Variants in RUNDC3A observed in about 807,000 individuals in gnomAD.
RUNDC3A encodes RUN domain containing 3A.
Under a neutral mutation model 53.9 loss-of-function variants are expected in RUNDC3A, and 28 were observed. The ratio of observed to expected loss-of-function variants is 0.52; its 90% CI spans 0.38 to 0.71. RUNDC3A has a LOEUF of 0.71. Among genes scored for constraint, RUNDC3A ranks in the 30% least tolerant of loss-of-function variants. The pLI is 0.00. For missense variants in RUNDC3A, 491 were observed against 597.3 expected, an observed-to-expected ratio of 0.82 and a Z score of 1.85; for synonymous variants, 232 against 249.4, an observed-to-expected ratio of 0.93 and a Z score of 0.66.
In RUNDC3A at chr17:44,308,944, G is replaced by T; in HGVS notation, c.107+5G>T. The T allele has an allele frequency of 6.3e-7, 1 of 1,591,598 alleles. No homozygotes were observed. Among genetic ancestry groups the T allele is most frequent in the Non-Finnish European group, 8.6e-7 (1 of 1,164,896 alleles). On this transcript the variant is annotated splice_donor_5th_base_variant and intron_variant, in intron 1 of 10. Transcript: ENST00000426726. ...GAACCTGATCACCGTGTGCAGGTGG[G>T]CACCGCTAGTGGGCGGGGGCTGGGG...
intron 10 of RUNDC3A, 195 bp from the exon 11 acceptor site, chr17:44,317,901 C>T: frequency 1.7e-6 from 1 of 603,224 alleles, no homozygotes; most frequent in Non-Finnish European, 3.0e-6. Context: ...CTGACGATTA[C>T]AATACAGTGT....
intron 8 of RUNDC3A, 81 bp from the exon 9 acceptor site, chr17:44,316,304 C>T (rs2047860506): frequency 2.2e-6 from 3 of 1,363,176 alleles, no homozygotes; most frequent in South Asian, 1.3e-5. Flanking sequence ...CATTCCTGAC[C>T]CCTCCCTCAT....
chr17:44,308,882 A>C lies in RUNDC3A; in HGVS notation c.50A>C (p.Lys17Thr), dbSNP rs762826390. The C allele has an allele frequency of 4.3e-6, 7 of 1,611,902 alleles. No homozygotes were observed. In the African/African-American group the frequency reaches 9.4e-5, roughly 22 times the overall value. The change falls in exon 1 of 11, where the codon AAG becomes ACG. Residue 17 changes from lysine to threonine, a missense_variant. Transcript: ENST00000426726. ...QTTMALGLSS[K>T]KASSRNVAVE... ...ACCATGGCTCTGGGGCTGTCCTCCA[A>C]GAAAGCGTCCTCTCGCAACGTGGCT...
At position 44,308,871 on chromosome 17, in the gene RUNDC3A, G is replaced by A. The variant is rs752375225; in HGVS notation, c.39G>A (p.Gly13=). The A allele has an allele frequency of 6.2e-7, 1 of 1,612,396 alleles. No individual in the cohort carries two copies. Residue 13 remains glycine, a synonymous_variant, in exon 1 of 11, where the codon GGG becomes GGA. Transcript: ENST00000426726. ...TTGTCCAGACCACCATGGCTCTGGG[G>A]CTGTCCTCCAAGAAAGCGTCCTCTC... is the stretch of plus-strand genomic sequence containing the variant. ...ASFVQTTMAL[G]LSSKKASSRN... is the part of the protein sequence containing the mutation.
Position 44,313,201 on chromosome 17 carries a change from C to A in RUNDC3A, c.321C>A (p.Asn107Lys). 1 of 1,613,896 alleles carries A rather than the reference C, an allele frequency of 6.2e-7. No individual in the cohort carries two copies. The highest frequency in any genetic ancestry group is 8.5e-7 in the Non-Finnish European group (1 of 1,179,858). Residue 107 changes from asparagine to lysine, a missense_variant, in exon 3 of 11, where the codon AAC (asparagine) becomes AAA (lysine). By Grantham distance (94) the Asn-to-Lys change is moderately conservative (BLOSUM62 0). Around this residue, in one of 2 missense-constraint regions of RUNDC3A, gnomAD observed 273 missense variants for 389.0 expected, o/e 0.70. Coordinates refer to ENST00000426726, the MANE Select transcript of RUNDC3A (RefSeq NM_001144825.2). ...IRLACSKVPN[N>K]CVSSIENMEN... ...TGGCCTGCAGCAAAGTGCCCAACAA[C>A]TGTGTGAGCAGCATCGAGAACATGG...
At position 44,313,305 on chromosome 17, in the gene RUNDC3A, C is replaced by T. The variant is rs570564774; in HGVS notation, c.372+53C>T. ...CTCTGCTCTGGACACAGGGGGCCTG[C>T]CTGTTTCTTGGTTTTTGCCCCCTGT... is the stretch of plus-strand genomic sequence containing the variant. On this transcript the variant is annotated intron_variant, in intron 3 of 10. Transcript: ENST00000426726. 3.7e-6 allele frequency: 6 copies of T among 1,607,858 alleles called. No homozygotes were observed. The East Asian group carries it at 9.0e-5, about 24-fold the overall frequency.
chr17:44,316,403 T>G lies in RUNDC3A; in HGVS notation c.972T>G (p.Ser324Arg). 6.2e-7 allele frequency: 1 copy of G among 1,613,682 alleles called. No individual in the cohort carries two copies. Among genetic ancestry groups the G allele is most frequent in the Non-Finnish European group, 8.5e-7 (1 of 1,179,706 alleles). ...CTCCCAGGACAGGTCTGATCCCCAG[T>G]GACCACGCCCCTCTGGCCCAGGGTT... is the stretch of plus-strand genomic sequence containing the variant. ...LQEQLTGLIP[S>R]DHAPLAQGSK... The change falls in exon 9 of 11, where the codon AGT (serine) becomes AGG (arginine). Residue 324 changes from serine to arginine, a missense_variant. Transcript: ENST00000426726.
intron 1 of RUNDC3A, 31 bp downstream of exon 1, chr17:44,308,970 T>G (rs1160412795): frequency 3.4e-5 from 43 of 1,266,766 alleles, no homozygotes; most frequent in South Asian, 1.1e-4. Context: ...GGGGCTGGGG[T>G]GGTGAGGGAG....
intron 10 of RUNDC3A, 117 bp from the exon 11 acceptor site, chr17:44,317,979 G>A (rs1598334077): frequency 2.8e-6 from 3 of 1,061,596 alleles, no homozygotes; most frequent in East Asian, 5.2e-5. Flanking sequence ...AAATGCTGTG[G>A]AATATGCCAA....
intron 2 of RUNDC3A, 69 bp downstream of exon 2, chr17:44,312,764 C>T (rs2047775269): frequency 2.5e-5 from 17 of 666,856 alleles, no homozygotes; most frequent in East Asian, 5.8e-5. Flanking sequence ...CCTCCCCCAG[C>T]GCCCCTCCCC....
Position 44,318,083 on chromosome 17 carries a change from CCT to C in RUNDC3A, c.1199-7_1199-6del, listed in dbSNP as rs1387476254. 2.6e-6 allele frequency: 4 copies of C among 1,549,952 alleles called. No individual in the cohort carries two copies. Among genetic ancestry groups the C allele is most frequent in the South Asian group, 2.4e-5 (2 of 84,044 alleles). ...AGACTGGTCGCTTGGCCTCACCTGC[CCT>C]CTCTCCCCAGGGAAGGACCCCACGC... On this transcript the variant is annotated splice_polypyrimidine_tract_variant and intron_variant, in intron 10 of 10. Coordinates refer to ENST00000426726, the MANE Select transcript of RUNDC3A (RefSeq NM_001144825.2).
chr17:44,313,426 A>C lies in RUNDC3A; in HGVS notation c.381A>C (p.Ala127=). 2 of 1,613,984 alleles carry C rather than the reference A, an allele frequency of 1.2e-6. No individual in the cohort carries two copies. The highest frequency in any genetic ancestry group is 2.2e-5 in the South Asian group (2 of 91,088). Residue 127 remains alanine, a synonymous_variant, in exon 4 of 11, where the codon GCA becomes GCC. Transcript: ENST00000426726. ...NISTARAKGR[A]WIRVALMEKR... is the part of the protein sequence containing the mutation. ...GTGAACATGATTTCCAGGGCCGGGC[A>C]TGGATCCGGGTGGCACTGATGGAGA...
chr17:44,312,720 C>T lies in RUNDC3A; in HGVS notation c.223+25C>T, dbSNP rs376277089. The T allele has an allele frequency of 4.4e-5, 56 of 1,279,710 alleles. 1 individual carries two copies. In the Middle Eastern group the frequency reaches 8.4e-4, roughly 19 times the overall value. The allele number at this position is 1,279,710 out of a possible 1,614,324, so 79.3% of individuals were successfully genotyped here. A position where few individuals can be genotyped will look rare whatever the true frequency, so the allele number is the denominator to read the frequency against. ...GGTGGGCCCAGCGCCCCTCCCCCAG[C>T]GGTCCCTCCCCCAGCGCCCCTCCCC... On this transcript the variant is annotated intron_variant, in intron 2 of 10. Coordinates refer to ENST00000426726, the MANE Select transcript of RUNDC3A (RefSeq NM_001144825.2).
rs756573890 is a variant in RUNDC3A, at chr17:44,313,245, G to A, written c.365G>A (p.Arg122Gln). Reference sequence around the variant, plus strand: ...AACATGGAGAACATCAGCACAGCCCGGGCCAAGGTGAGGGGCCTGAAGCAA... The same window carrying A: ...AACATGGAGAACATCAGCACAGCCCAGGCCAAGGTGAGGGGCCTGAAGCAA... ...IENMENISTA[R>Q]AKGRAWIRVA... Residue 122 changes from arginine (R) to glutamine (Q), a missense_variant, in exon 3 of 11, where the codon CGG becomes CAG. This residue lies in a region of RUNDC3A where 273 missense variants were observed against 389.0 expected (regional missense o/e 0.70). Coordinates refer to ENST00000426726, the MANE Select transcript of RUNDC3A (RefSeq NM_001144825.2). The A allele has an allele frequency of 6.8e-6, 11 of 1,613,766 alleles. No individual in the cohort carries two copies. Among genetic ancestry groups the A allele is most frequent in the South Asian group, 2.2e-5 (2 of 91,080 alleles).
chr17:44,315,682 C>G lies in RUNDC3A; in HGVS notation c.953+73C>G. On this transcript the variant is annotated intron_variant, in intron 8 of 10. Coordinates refer to ENST00000426726, the MANE Select transcript of RUNDC3A (RefSeq NM_001144825.2). This position sits in a 1 kb window ranked among gnomAD's most constrained non-coding sequence, Gnocchi z 6.1. ...CATCACCGGGTGAACCCCATCTTCACTTCCATCGACTCTAACATCACCCGA... is the reference window on the plus strand; with the variant it reads ...CATCACCGGGTGAACCCCATCTTCAGTTCCATCGACTCTAACATCACCCGA... 1 of 1,254,306 alleles carries G rather than the reference C, an allele frequency of 8.0e-7. No individual in the cohort carries two copies. The highest frequency in any genetic ancestry group is 1.0e-6 in the Non-Finnish European group (1 of 964,504). 77.7% of individuals were successfully genotyped at this position (1,254,306 alleles called of 1,614,324 possible). A position where few individuals can be genotyped will look rare whatever the true frequency, so the allele number is the denominator to read the frequency against.
At chr17:44,309,464 A>C (rs946565310) in intron 1 of RUNDC3A, among the ~76,000 whole-genome samples, 2 of 152,188 alleles carry the variant, frequency 1.3e-5, no homozygotes, top group African/African-American at 4.8e-5. Flanking sequence ...GCACCACCCA[A>C]GACGTGGGAA....
At position 44,315,435 on chromosome 17, in the gene RUNDC3A, G is replaced by A; in HGVS notation, c.796-17G>A. The A allele has an allele frequency of 2.1e-6, 3 of 1,433,426 alleles. No homozygotes were observed. Among genetic ancestry groups the A allele is most frequent in the Non-Finnish European group, 1.8e-6 (2 of 1,091,016 alleles). 88.8% of individuals were successfully genotyped at this position (1,433,426 alleles called of 1,614,324 possible). On this transcript the variant is annotated splice_polypyrimidine_tract_variant and intron_variant, in intron 7 of 10. Transcript: ENST00000426726. This position sits in a 1 kb window ranked among gnomAD's most constrained non-coding sequence, Gnocchi z 6.1. ...GGACGTCCTCCCAGCCGCCCGGGCT[G>A]AGCCGGCGCCCCGCAGGGCTACCTG...
chr17:44,315,530 C>A lies in RUNDC3A; in HGVS notation c.874C>A (p.Gln292Lys), dbSNP rs1446430708. The A allele has an allele frequency of 3.3e-6, 5 of 1,517,866 alleles. No homozygotes were observed. The highest frequency in any genetic ancestry group is 4.4e-6 in the Non-Finnish European group (5 of 1,133,332). The allele number at this position is 1,517,866 out of a possible 1,614,324, so 94.0% of individuals were successfully genotyped here. ...LEAENRRLQL[Q>K]LEEAAAQNQR... ...GGCGGAGAACCGGCGGCTTCAGCTGCAGCTGGAGGAGGCGGCGGCGCAGAA... is the reference window on the plus strand; with the variant it reads ...GGCGGAGAACCGGCGGCTTCAGCTGAAGCTGGAGGAGGCGGCGGCGCAGAA... The change falls in exon 8 of 11, where the codon CAG becomes AAG. Residue 292 changes from glutamine to lysine, a missense_variant. Gln to Lys is a moderately conservative substitution (Grantham distance 53). Coordinates refer to ENST00000426726, the MANE Select transcript of RUNDC3A (RefSeq NM_001144825.2). The surrounding 1 kb of genome is among the most constrained non-coding windows in gnomAD (Gnocchi z 6.1).
intron 4 of RUNDC3A, chr17:44,313,949 C>T (rs1467961439): frequency 2.0e-6 from 2 of 993,066 alleles, no homozygotes; most frequent in Middle Eastern, 5.1e-4. Flanking sequence ...GGATTACAGG[C>T]ATGAGCCACC....
Sources: allele counts gnomAD v4.1 joint callset (sites outside exome capture counted in the v4.1 genomes callset), GRCh38; gene constraint gnomAD v4.1.1; regional missense constraint gnomAD v4.1.1; non-coding constraint Gnocchi (gnomAD v3.1); transcripts MANE v1.5; gene names NCBI Gene and HGNC (gene_info 2026-07-23, HGNC 2026-07-21).